MYBL1: variants seen among roughly 807,000 people sequenced by gnomAD.
MYBL1 encodes the protein myb-related protein A.
In MYBL1, 17 loss-of-function variants were observed where a neutral mutation model predicts 96.3. That is an observed-to-expected ratio of 0.18 (90% CI 0.12 to 0.26). The LOEUF is 0.26. Ranked by LOEUF, MYBL1 falls within the 10% of genes least tolerant of loss-of-function variation. MYBL1 has a pLI of 1.00. For synonymous variants in MYBL1, 282 were observed against 292.7 expected, an observed-to-expected ratio of 0.96 and a Z score of 0.37; for missense variants, 701 against 882.9, an observed-to-expected ratio of 0.79 and a Z score of 2.61.
chr8:66,609,689 T>C (rs1203134068), intron 1 of MYBL1, among the ~76,000 whole-genome samples: 2 of 151,956 alleles, frequency 1.3e-5, no homozygotes, highest in Admixed American at 6.6e-5. Context: ...ACAAAAACAT[T>C]GTGAGAAAAT....
In MYBL1 at chr8:66,566,184, A is replaced by G. The variant is rs1177896272; in HGVS notation, c.2010T>C (p.Asn670=). ...LMIPLLEIHD[N]RCNLIPEKQD... is the part of the protein sequence containing the mutation. ...GTTTTTCAGGAATCAAGTTGCACCTATTGTCATGTATTTCCAATAATGGTA... is the reference window on the plus strand; with the variant it reads ...GTTTTTCAGGAATCAAGTTGCACCTGTTGTCATGTATTTCCAATAATGGTA... Residue 670 remains asparagine (N), a synonymous_variant, in exon 15 of 16, where the codon AAT becomes AAC. Coordinates refer to ENST00000522677, the MANE Select transcript of MYBL1 (RefSeq NM_001080416.4). The G allele has an allele frequency of 2.6e-6, 4 of 1,519,134 alleles. No homozygotes were observed. In the East Asian group the frequency reaches 7.2e-5, roughly 27 times the overall value. The allele number at this position is 1,519,134 out of a possible 1,614,324, so 94.1% of individuals were successfully genotyped here.
At chr8:66,607,677 G>C (rs1586604990) in intron 1 of MYBL1, among the ~76,000 whole-genome samples, 1 of 137,746 alleles carries the variant, frequency 7.3e-6, no homozygotes, top group Admixed American at 7.3e-5. Flanking sequence ...ATTCTTATTT[G>C]TTAAAGAAGA....
At position 66,597,473 on chromosome 8, in the gene MYBL1, C is replaced by T. The variant is rs763225222; in HGVS notation, c.369G>A (p.Lys123=). The change falls in exon 5 of 16, where the codon AAG becomes AAA. Residue 123 remains lysine (K), a synonymous_variant. Coordinates refer to ENST00000522677, the MANE Select transcript of MYBL1 (RefSeq NM_001080416.4). ...GATTATGCCATCTTTCTCTACACTGCTTGCCTATTCTTCCTTTTAAATGTT... is the reference window on the plus strand; with the variant it reads ...GATTATGCCATCTTTCTCTACACTGTTTGCCTATTCTTCCTTTTAAATGTT... ...IAKHLKGRIG[K]QCRERWHNHL... is the part of the protein sequence containing the mutation. 3.7e-6 allele frequency: 6 copies of T among 1,613,140 alleles called. No homozygotes were observed. Among genetic ancestry groups the T allele is most frequent in the East Asian group, 2.2e-5 (1 of 44,808 alleles).
intron 15 of MYBL1, among the ~76,000 whole-genome samples, chr8:66,565,732 T>G (rs1373381277): frequency 6.6e-6 from 1 of 152,112 alleles, no homozygotes; most frequent in Admixed American, 6.5e-5. Context: ...CCACTTACCC[T>G]TTTTCAGAAT....
intron 8 of MYBL1, among the ~76,000 whole-genome samples, chr8:66,588,969 G>A (rs1376909929): frequency 2.0e-5 from 3 of 152,110 alleles, no homozygotes; most frequent in African/African-American, 4.8e-5. Flanking sequence ...GCAGTGAGCC[G>A]AGATCACGCT....
chr8:66,575,469 G>C (rs1808898127), intron 10 of MYBL1, among the ~76,000 whole-genome samples: 1 of 152,086 alleles, frequency 6.6e-6, no homozygotes, highest in Non-Finnish European at 1.5e-5. Flanking sequence ...ACAAGATAAA[G>C]AAAATGTCCC....
At position 66,572,473 on chromosome 8, in the gene MYBL1, T is replaced by C. The variant is rs757378093; in HGVS notation, c.1728+9A>G. On this transcript the variant is annotated intron_variant, in intron 12 of 15. Coordinates refer to ENST00000522677, the MANE Select transcript of MYBL1 (RefSeq NM_001080416.4). ...GGAAAATTATTAAAAATAAAATGAA[T>C]ATACATACCACAATTTTAAGAGGTC... The C allele has an allele frequency of 3.7e-6, 5 of 1,357,738 alleles. No homozygotes were observed. The highest frequency in any genetic ancestry group is 5.1e-6 in the Non-Finnish European group (5 of 974,844). The allele number at this position is 1,357,738 out of a possible 1,614,324, so 84.1% of individuals were successfully genotyped here. A position where few individuals can be genotyped will look rare whatever the true frequency, so the allele number is the denominator to read the frequency against.
At chr8:66,605,991 T>A (rs549889611) in intron 1 of MYBL1, among the ~76,000 whole-genome samples, 86 of 152,292 alleles carry the variant, frequency 5.6e-4, no homozygotes, top group African/African-American at 1.9e-3. Flanking sequence ...ATTATTCCCA[T>A]TTCACGGAAT....
intron 12 of MYBL1, 34 bp downstream of exon 12, chr8:66,572,448 G>T: frequency 1.9e-6 from 2 of 1,042,966 alleles, no homozygotes; most frequent in East Asian, 2.7e-5. Flanking sequence ...ATTAAAATTA[G>T]GAAAATTATT....
chr8:66,585,264 G>T (rs61171358), intron 8 of MYBL1, among the ~76,000 whole-genome samples: 1,720 of 152,192 alleles, frequency 0.011, 32 homozygotes, highest in African/African-American at 0.039. Context: ...AACACTGATG[G>T]AAGAAGAGAG....
Position 66,613,188 on chromosome 8 carries a change from C to T in MYBL1, c.-350G>A. On this transcript the variant is annotated 5_prime_UTR_variant, in exon 1 of 16. Coordinates refer to ENST00000522677, the MANE Select transcript of MYBL1 (RefSeq NM_001080416.4). ...CGGCTCCGCCACAGGCGCCCGACCCCTGCCCTCTCCCCCGCAGCTAGCAGT... is the reference window on the plus strand; with the variant it reads ...CGGCTCCGCCACAGGCGCCCGACCCTTGCCCTCTCCCCCGCAGCTAGCAGT... The T allele has an allele frequency of 2.5e-6, 1 of 400,802 alleles. No individual in the cohort carries two copies. Among genetic ancestry groups the T allele is most frequent in the Non-Finnish European group, 4.4e-6 (1 of 226,496 alleles). 24.8% of individuals were successfully genotyped at this position (400,802 alleles called of 1,614,324 possible).
At chr8:66,565,378 T>C (rs1343312929) in intron 15 of MYBL1, 3 of 152,442 alleles carry the variant, frequency 2.0e-5, no homozygotes, top group South Asian at 4.1e-4. Flanking sequence ...TCATTTTACA[T>C]GGATTAAGAG....
chr8:66,573,498 G>A lies in MYBL1; in HGVS notation c.1479C>T (p.Asn493=). ...TAAGTTGTTCATTACCAGGACATGT[G>A]TTGAAAAACTAGAAAGGGAAGAGAG... ...TLPFSPSQFF[N]TCPGNEQLNI... Residue 493 remains asparagine (N), a synonymous_variant, in exon 11 of 16, where the codon AAC becomes AAT. Transcript: ENST00000522677. 6.3e-7 allele frequency: 1 copy of A among 1,599,418 alleles called. No individual in the cohort carries two copies. The highest frequency in any genetic ancestry group is 8.5e-7 in the Non-Finnish European group (1 of 1,174,764).
chr8:66,602,556 A>C lies in MYBL1; in HGVS notation c.21-33T>G. Reference sequence around the variant, plus strand: ...AAAAACACAATTTGTGATATCAAGAATTTTATTTAAATTTGTAAATTCAAA... The same window carrying C: ...AAAAACACAATTTGTGATATCAAGACTTTTATTTAAATTTGTAAATTCAAA... On this transcript the variant is annotated intron_variant, in intron 1 of 15. Transcript: ENST00000522677. 2 of 1,487,924 alleles carry C rather than the reference A, an allele frequency of 1.3e-6. 1 individual carries two copies. Among genetic ancestry groups the C allele is most frequent in the South Asian group, 2.4e-5 (2 of 84,102 alleles). The allele number at this position is 1,487,924 out of a possible 1,614,324, so 92.2% of individuals were successfully genotyped here.
chr8:66,601,362 T>C (rs61469007), intron 3 of MYBL1, among the ~76,000 whole-genome samples: 15,877 of 152,016 alleles, frequency 0.1, 1,857 homozygotes, highest in African/African-American at 0.28. Context: ...TTTCTGGATT[T>C]TTTGGTTAGC....
At chr8:66,603,593 C>T (rs1427438311) in intron 1 of MYBL1, among the ~76,000 whole-genome samples, 5 of 151,954 alleles carry the variant, frequency 3.3e-5, no homozygotes, top group Admixed American at 2.6e-4. Context: ...CAGGCTCAGG[C>T]AATCCTCCCA....
intron 9 of MYBL1, among the ~76,000 whole-genome samples, chr8:66,576,990 C>T (rs924911861): frequency 6.6e-6 from 1 of 152,114 alleles, no homozygotes; most frequent in Non-Finnish European, 1.5e-5. Context: ...ATGATTATCT[C>T]AATAGATGCG....
intron 1 of MYBL1, among the ~76,000 whole-genome samples, chr8:66,607,407 C>T (rs1278179170): frequency 6.6e-6 from 1 of 152,150 alleles, no homozygotes; most frequent in Non-Finnish European, 1.5e-5. Context: ...AAAAAGTAAG[C>T]TCATGAGTGC....
At position 66,564,712 on chromosome 8, in the gene MYBL1, T is replaced by C; in HGVS notation, c.2244A>G (p.Arg748=). ...TTAATAACAATTACAGTATGAGAGC[T>C]CTTGAAGTACTACTGGTAGCTGTGT... The part of the protein sequence containing the change: ...STYTATSSTS[R]ALIL Residue 748 remains arginine, a synonymous_variant, in exon 16 of 16, where the codon AGA becomes AGG. Transcript: ENST00000522677. 6.3e-7 allele frequency: 1 copy of C among 1,579,490 alleles called. No individual in the cohort carries two copies. Among genetic ancestry groups the C allele is most frequent in the Non-Finnish European group, 8.6e-7 (1 of 1,159,728 alleles).
Sources: gnomAD v4.1 joint callset for allele counts (sites outside exome capture counted in the v4.1 genomes callset) on GRCh38, gnomAD v4.1.1 for gene constraint, MANE v1.5 for transcripts, NCBI Gene and HGNC (gene_info 2026-07-23, HGNC 2026-07-21) for gene names.